Variants in DIP2B observed in about 807,000 individuals in gnomAD.
The protein encoded by DIP2B is disco-interacting protein 2 homolog B.
DIP2B carries 76 observed loss-of-function variants against 198.0 expected under a neutral mutation model. The observed-to-expected ratio is 0.38, with a 90% CI of 0.32 to 0.46. The LOEUF is 0.46. DIP2B is among the 20% of genes least tolerant of loss of function. The pLI is 0.99. For synonymous variants in DIP2B, 701 were observed against 739.1 expected, an observed-to-expected ratio of 0.95 and a Z score of 0.84; for missense variants, 1,559 against 1,978.4, an observed-to-expected ratio of 0.79 and a Z score of 4.02.
At chr12:50,675,168 AT>A (rs1938924680) in intron 6 of DIP2B, among the ~76,000 whole-genome samples, 160 bp from the exon 7 acceptor site, 1 of 152,234 alleles carries the variant, frequency 6.6e-6, no homozygotes, top group Non-Finnish European at 1.5e-5. Context: ...TTTGTTCTCT[AT>A]TGTCATAAAA....
intron 25 of DIP2B, among the ~76,000 whole-genome samples, chr12:50,719,575 C>G (rs902758217): frequency 6.6e-6 from 1 of 152,128 alleles, no homozygotes; most frequent in Non-Finnish European, 1.5e-5. Flanking sequence ...GGCACAGTGG[C>G]TCACACCTGT....
chr12:50,738,899 C>T lies in DIP2B; in HGVS notation c.4177-510C>T, dbSNP rs551147946. Among the ~76,000 whole-genome samples, 4 of 152,360 alleles carry T rather than the reference C, an allele frequency of 2.6e-5. No homozygotes were observed. In the East Asian group the frequency reaches 7.7e-4, roughly 29 times the overall value. ...AGTGTACATGGAACAGTGTCTGTCA[C>T]ATAATGATTCTTAGTAACATTATTG... On this transcript the variant is annotated intron_variant, in intron 35 of 37. Coordinates refer to ENST00000301180, the MANE Select transcript of DIP2B (RefSeq NM_173602.3).
chr12:50,694,546 T>TACAC lies in DIP2B; in HGVS notation c.1720-718_1720-717insCACA, dbSNP rs1160668062. Among the ~76,000 whole-genome samples the TACAC allele has an allele frequency of 2.2e-3, 214 of 95,234 alleles. 1 individual carries two copies. Among genetic ancestry groups the TACAC allele is most frequent in the African/African-American group, 6.3e-3 (195 of 30,748 alleles). 62.5% of individuals were successfully genotyped at this position (95,234 alleles called of 152,430 possible). A position where few individuals can be genotyped will look rare whatever the true frequency, so the allele number is the denominator to read the frequency against. On this transcript the variant is annotated intron_variant, in intron 14 of 37. Transcript: ENST00000301180. ...ATACATACATACATACATACATACA[T>TACAC]ACATACATACATACACCAGTCCCAG...
intron 1 of DIP2B, among the ~76,000 whole-genome samples, chr12:50,592,320 A>G (rs574559916): frequency 6.6e-6 from 1 of 152,164 alleles, no homozygotes; most frequent in African/African-American, 2.4e-5. Flanking sequence ...AACTACAGAC[A>G]AGTGCCACCA....
chr12:50,592,523 G>A (rs1958828628), intron 1 of DIP2B, among the ~76,000 whole-genome samples: 1 of 151,824 alleles, frequency 6.6e-6, no homozygotes, highest in Admixed American at 6.6e-5. Context: ...TGTCACCCAG[G>A]CTGGAGTGCA....
At chr12:50,508,269 G>A (rs1051623573) in intron 1 of DIP2B, among the ~76,000 whole-genome samples, 1 of 152,150 alleles carries the variant, frequency 6.6e-6, no homozygotes, top group Non-Finnish European at 1.5e-5. Context: ...ATAGGTAGAA[G>A]GTTTCTGCAA....
At position 50,536,971 on chromosome 12, in the gene DIP2B, T is replaced by C. The variant is rs375703795; in HGVS notation, c.100+31731T>C. ...TAGTGAGGATTAGGGGACAGGACTT[T>C]AGTTCTGACTCTGACACCTTGTAGC... On this transcript the variant is annotated intron_variant, in intron 1 of 37. Transcript: ENST00000301180. Among the ~76,000 whole-genome samples the C allele has an allele frequency of 4.0e-5, 6 of 151,868 alleles. No individual in the cohort carries two copies. In the South Asian group the frequency reaches 1.2e-3, roughly 32 times the overall value.
intron 1 of DIP2B, among the ~76,000 whole-genome samples, chr12:50,516,112 G>A (rs1958060939): frequency 6.6e-6 from 1 of 152,082 alleles, no homozygotes; most frequent in African/African-American, 2.4e-5. Flanking sequence ...TCTTCACATG[G>A]TGGGAGGGGC....
intron 10 of DIP2B, 95 bp downstream of exon 10, chr12:50,683,343 G>A (rs893871559): frequency 6.2e-5 from 62 of 992,534 alleles, no homozygotes; most frequent in African/African-American, 8.4e-5. Context: ...AAAACTGTTC[G>A]ACCATTTTTG....
chr12:50,579,208 A>G (rs1457826686), intron 1 of DIP2B, among the ~76,000 whole-genome samples: 1 of 152,206 alleles, frequency 6.6e-6, no homozygotes, highest in Non-Finnish European at 1.5e-5. Flanking sequence ...GATGTCAGCC[A>G]GATATTTTCT....
intron 1 of DIP2B, among the ~76,000 whole-genome samples, chr12:50,596,274 G>GA (rs1241123210): frequency 1.3e-5 from 2 of 152,206 alleles, no homozygotes; most frequent in Non-Finnish European, 2.9e-5. Flanking sequence ...AAAAAATTGG[G>GA]AGAGGGTCTT....
chr12:50,700,745 A>G (rs762696830), intron 19 of DIP2B, among the ~76,000 whole-genome samples: 3 of 152,256 alleles, frequency 2.0e-5, no homozygotes, highest in Non-Finnish European at 2.9e-5. Context: ...GCAATTCACC[A>G]TGCCAGGAGT....
intron 10 of DIP2B, among the ~76,000 whole-genome samples, chr12:50,683,517 C>A (rs11169522): frequency 6.6e-6 from 1 of 152,186 alleles, no homozygotes; most frequent in Non-Finnish European, 1.5e-5. Flanking sequence ...CGCAGTGGCT[C>A]ACGCCTGTAA....
In DIP2B at chr12:50,744,784, G is replaced by A. The variant is rs368829342; in HGVS notation, c.4676G>A (p.Arg1559His). ...GGAGAGAAGCAGAGGATGCACCTCC[G>A]TGATAGCTTCCTAGCTGACCAGTTA... ...SRGEKQRMHL[R>H]DSFLADQLDP... The change falls in exon 38 of 38, where the codon CGT becomes CAT. Residue 1559 changes from arginine (R) to histidine (H), a missense_variant. Transcript: ENST00000301180. The A allele has an allele frequency of 6.8e-6, 11 of 1,614,060 alleles. No homozygotes were observed. Among genetic ancestry groups the A allele is most frequent in the Admixed American group, 1.7e-5 (1 of 59,994 alleles).
chr12:50,732,975 A>C (rs1480067189), intron 32 of DIP2B, among the ~76,000 whole-genome samples: 1 of 151,766 alleles, frequency 6.6e-6, no homozygotes. Context: ...GTGCAGTCTC[A>C]GCTTACTGCA....
chr12:50,573,371 C>G (rs1958632053), intron 1 of DIP2B, among the ~76,000 whole-genome samples: 1 of 152,214 alleles, frequency 6.6e-6, no homozygotes, highest in African/African-American at 2.4e-5. Context: ...ATGCTGCTCT[C>G]CTTGTTCCAC....
chr12:50,550,381 G>C (rs961774392), intron 1 of DIP2B, among the ~76,000 whole-genome samples: 8 of 151,796 alleles, frequency 5.3e-5, no homozygotes, highest in Non-Finnish European at 7.4e-5. Context: ...TTGAGAAATT[G>C]AAGTACTCAG....
intron 33 of DIP2B, among the ~76,000 whole-genome samples, chr12:50,734,525 A>T (rs1940103085): frequency 6.6e-6 from 1 of 152,212 alleles, no homozygotes; most frequent in African/African-American, 2.4e-5. Context: ...AGATAAGATA[A>T]ATGAGTCAGA....
chr12:50,521,512 G>A (rs1413008445), intron 1 of DIP2B, among the ~76,000 whole-genome samples: 1 of 99,396 alleles, frequency 1.0e-5, no homozygotes, highest in African/African-American at 4.1e-5. Context: ...TTTTTTTTGA[G>A]ATGGAGTCTC....
Sources: gnomAD v4.1 joint callset for allele counts (sites outside exome capture counted in the v4.1 genomes callset) on GRCh38, gnomAD v4.1.1 for gene constraint, MANE v1.5 for transcripts, NCBI Gene and HGNC (gene_info 2026-07-23, HGNC 2026-07-21) for gene names.